Variants in CDH12 observed in about 807,000 individuals in gnomAD.
CDH12 encodes cadherin 12, also known as cadherin-12.
In CDH12, 41 loss-of-function variants were observed where a neutral mutation model predicts 74.1. The observed-to-expected ratio is 0.55, with a 90% confidence interval of 0.43 to 0.72. The LOEUF (loss-of-function observed/expected upper bound fraction) is 0.72. Among genes scored for constraint, CDH12 ranks in the 30% least tolerant of loss-of-function variants. The pLI is 0.00. For synonymous variants in CDH12, 399 were observed against 355.0 expected (o/e 1.12, Z -1.39); for missense variants, 945 against 977.2 (o/e 0.97, Z 0.44).
chr5:21,785,662 G>C (rs1479827192), intron 10 of CDH12, among the ~76,000 whole-genome samples: 3 of 152,180 alleles, frequency 2.0e-5, no homozygotes, highest in African/African-American at 7.2e-5. Flanking sequence ...TATAGCCCTA[G>C]CTGTCTTCTG....
chr5:22,826,029 T>G (rs1263503522), intron 1 of CDH12, among the ~76,000 whole-genome samples: 3 of 152,140 alleles, frequency 2.0e-5, no homozygotes, highest in Admixed American at 2.0e-4. Flanking sequence ...CATTGGCCAG[T>G]GTACTAGAGG....
At chr5:22,089,603 T>C (rs1457884959) in intron 4 of CDH12, among the ~76,000 whole-genome samples, 1 of 152,078 alleles carries the variant, frequency 6.6e-6, no homozygotes, top group Non-Finnish European at 1.5e-5. Context: ...ATGAAAACAT[T>C]TACTAGAGGA....
intron 4 of CDH12, among the ~76,000 whole-genome samples, chr5:22,103,723 A>C (rs1475924063): frequency 6.6e-6 from 1 of 152,236 alleles, no homozygotes; most frequent in Non-Finnish European, 1.5e-5. Context: ...TATATATCAA[A>C]GGCAGTGAAA....
At chr5:22,331,841 A>C (rs1739364439) in intron 3 of CDH12, among the ~76,000 whole-genome samples, 1 of 152,208 alleles carries the variant, frequency 6.6e-6, no homozygotes. Flanking sequence ...ATCAAACAGA[A>C]ATTCTGAAGT....
intron 6 of CDH12, among the ~76,000 whole-genome samples, chr5:21,939,560 A>G (rs1561314239): frequency 6.6e-6 from 1 of 152,068 alleles, no homozygotes; most frequent in African/African-American, 2.4e-5. Flanking sequence ...TGCCCTCACA[A>G]AAGAAAATTA....
chr5:22,230,309 A>G (rs1008538483), intron 3 of CDH12, among the ~76,000 whole-genome samples: 6 of 152,088 alleles, frequency 3.9e-5, no homozygotes, highest in African/African-American at 1.4e-4. Context: ...CCAGTACCAC[A>G]CAATACATAA....
intron 5 of CDH12, among the ~76,000 whole-genome samples, chr5:22,047,812 A>T (rs6863107): frequency 0.011 from 1,669 of 152,292 alleles, 31 homozygotes; most frequent in African/African-American, 0.036. Context: ...TTCATCTTTT[A>T]ACTACTCAGT....
At chr5:21,828,792 T>C (rs1748828814) in intron 8 of CDH12, among the ~76,000 whole-genome samples, 1 of 152,160 alleles carries the variant, frequency 6.6e-6, no homozygotes. Context: ...ATGTATAAAA[T>C]CTATTATTCT....
At chr5:22,257,434 GT>G (rs1397809329) in intron 3 of CDH12, among the ~76,000 whole-genome samples, 1 of 151,194 alleles carries the variant, frequency 6.6e-6, no homozygotes, top group East Asian at 1.9e-4. Context: ...CAATGTGTTT[GT>G]TTTTTTAACC....
intron 3 of CDH12, among the ~76,000 whole-genome samples, chr5:22,365,937 T>G (rs2126321903): frequency 6.6e-6 from 1 of 152,256 alleles, no homozygotes; most frequent in Non-Finnish European, 1.5e-5. Context: ...ATGGAAAAAT[T>G]ATACTCAGTC....
intron 8 of CDH12, among the ~76,000 whole-genome samples, chr5:21,836,128 A>T (rs1444298030): frequency 6.6e-6 from 1 of 151,752 alleles, no homozygotes; most frequent in Non-Finnish European, 1.5e-5. Context: ...TTGATTTTTT[A>T]TGTTAATTTC....
intron 1 of CDH12, among the ~76,000 whole-genome samples, chr5:22,700,071 G>A (rs1253950530): frequency 6.6e-6 from 1 of 152,096 alleles, no homozygotes; most frequent in Non-Finnish European, 1.5e-5. Context: ...AGAGGCTGAA[G>A]CTGGAGAATT....
At chr5:22,393,564 A>G (rs913288547) in intron 3 of CDH12, among the ~76,000 whole-genome samples, 1 of 152,206 alleles carries the variant, frequency 6.6e-6, no homozygotes, top group South Asian at 2.1e-4. Context: ...ATACCGAAAA[A>G]TGTGGCTTTG....
chr5:22,750,917 G>GAAA (rs34040056), intron 1 of CDH12, among the ~76,000 whole-genome samples: 1 of 141,016 alleles, frequency 7.1e-6, no homozygotes, highest in African/African-American at 2.6e-5. Context: ...AAATCATAGT[G>GAAA]AAAAAAAAAA....
At chr5:21,986,067 T>G (rs2150131186) in intron 5 of CDH12, among the ~76,000 whole-genome samples, 1 of 152,196 alleles carries the variant, frequency 6.6e-6, no homozygotes, top group East Asian at 1.9e-4. Context: ...CAATGTGCTT[T>G]GAGAACTCCC....
chr5:22,742,188 A>AAG, intron 1 of CDH12, among the ~76,000 whole-genome samples: 1 of 150,816 alleles, frequency 6.6e-6, no homozygotes, highest in Non-Finnish European at 1.5e-5. Flanking sequence ...TTTCAAAAAA[A>AAG]AAGAAGAAAG....
At chr5:21,769,492 C>A (rs1745207270) in intron 11 of CDH12, among the ~76,000 whole-genome samples, 1 of 152,054 alleles carries the variant, frequency 6.6e-6, no homozygotes, top group Non-Finnish European at 1.5e-5. Context: ...ATATTAATTA[C>A]CCTTCTATAC....
At chr5:22,439,736 G>A (rs1292750128) in intron 2 of CDH12, among the ~76,000 whole-genome samples, 3 of 151,998 alleles carry the variant, frequency 2.0e-5, no homozygotes, top group Admixed American at 6.6e-5. Context: ...AGAGCAGAAA[G>A]AAGACATAAA....
intron 6 of CDH12, among the ~76,000 whole-genome samples, chr5:21,909,322 C>T (rs1753767146): frequency 6.6e-6 from 1 of 152,102 alleles, no homozygotes; most frequent in Non-Finnish European, 1.5e-5. Flanking sequence ...CCCCATAGGA[C>T]ATGCACTAGG....
Sources: allele counts gnomAD v4.1 joint callset (sites outside exome capture counted in the v4.1 genomes callset), GRCh38; gene constraint gnomAD v4.1.1; transcripts MANE v1.5; gene names NCBI Gene and HGNC (gene_info 2026-07-23, HGNC 2026-07-21).